The following NIPBL variants were observed in gnomAD, a reference collection of about 807,000 sequenced individuals.
NIPBL encodes the protein NIPBL cohesin loading factor, also known as nipped-B-like protein.
Under a neutral mutation model 321.8 loss-of-function variants are expected in NIPBL, and 19 were observed. The observed-to-expected ratio is 0.06, with a 90% CI of 0.04 to 0.09. The LOEUF (loss-of-function observed/expected upper bound fraction) is 0.09. Among genes scored for constraint, NIPBL ranks in the 10% least tolerant of loss-of-function variants. NIPBL has a pLI of 1.00. For missense variants in NIPBL, 2,210 were observed against 3,327.0 expected (o/e 0.66, Z 8.26); for synonymous variants, 1,106 against 1,114.1 (o/e 0.99, Z 0.14).
Position 37,051,890 on chromosome 5 carries a change from T to C in NIPBL, c.7062+4T>C. ...AAAATATGCTGGATTCATTCATGTA[T>C]GTATTTTAACATTTTATAACCTAAA... is the stretch of plus-strand genomic sequence containing the variant. On this transcript the variant is annotated splice_donor_region_variant and intron_variant, in intron 41 of 46. Coordinates refer to ENST00000282516, the MANE Select transcript of NIPBL (RefSeq NM_133433.4). The C allele has an allele frequency of 6.3e-7, 1 of 1,595,982 alleles. No homozygotes were observed. Among genetic ancestry groups the C allele is most frequent in the African/African-American group, 1.3e-5 (1 of 74,702 alleles).
At chr5:37,024,180 A>C (rs994638889) in intron 29 of NIPBL, among the ~76,000 whole-genome samples, 1 of 151,378 alleles carries the variant, frequency 6.6e-6, no homozygotes, top group African/African-American at 2.4e-5. Context: ...AAAAAAAAAG[A>C]AGTAACCATA....
intron 1 of NIPBL, among the ~76,000 whole-genome samples, chr5:36,924,372 TA>T (rs1283233649): frequency 7.9e-5 from 12 of 152,234 alleles, no homozygotes; most frequent in African/African-American, 2.7e-4. Context: ...CAGAATTTTT[TA>T]TTTTTTTATT....
chr5:37,024,756 GT>G, intron 30 of NIPBL, 37 bp downstream of exon 30: 1 of 1,532,314 alleles, frequency 6.5e-7, no homozygotes, highest in Non-Finnish European at 9.0e-7. Flanking sequence ...TTTCATTAAT[GT>G]TTAAAATAAG....
At chr5:36,998,680 T>C (rs922478683) in intron 11 of NIPBL, among the ~76,000 whole-genome samples, 5 of 152,008 alleles carry the variant, frequency 3.3e-5, no homozygotes, top group Non-Finnish European at 7.4e-5. Flanking sequence ...TCTGAAGAAG[T>C]TTGCTTATTA....
chr5:36,971,102 C>G, intron 7 of NIPBL, 66 bp downstream of exon 7: 1 of 1,382,674 alleles, frequency 7.2e-7, no homozygotes. Flanking sequence ...CCTAGTATTT[C>G]CATTTCAAAA....
intron 42 of NIPBL, among the ~76,000 whole-genome samples, chr5:37,053,638 A>T (rs1313247453): frequency 1.3e-5 from 2 of 152,312 alleles, no homozygotes; most frequent in East Asian, 3.9e-4. Flanking sequence ...ATGGAAAGCA[A>T]AACAGCAATT....
chr5:36,888,724 C>T (rs576415246), intron 1 of NIPBL, among the ~76,000 whole-genome samples: 1 of 151,976 alleles, frequency 6.6e-6, no homozygotes, highest in South Asian at 2.1e-4. Context: ...TATGATATTT[C>T]TTCCTTAAAA....
At chr5:37,055,428 G>A (rs938262996) in intron 42 of NIPBL, among the ~76,000 whole-genome samples, 8 of 151,856 alleles carry the variant, frequency 5.3e-5, no homozygotes, top group Admixed American at 4.6e-4. Flanking sequence ...ATGAGACTGT[G>A]TGAAAAGAAT....
At chr5:36,895,840 G>C (rs1746688535) in intron 1 of NIPBL, among the ~76,000 whole-genome samples, 1 of 152,052 alleles carries the variant, frequency 6.6e-6, no homozygotes, top group South Asian at 2.1e-4. Flanking sequence ...TAAGTTGTTA[G>C]ACATATTCTA....
intron 1 of NIPBL, among the ~76,000 whole-genome samples, chr5:36,945,775 T>G (rs191726590): frequency 1.8e-4 from 27 of 152,268 alleles, no homozygotes; most frequent in African/African-American, 6.0e-4. Context: ...AGGTAGGATT[T>G]GAGGAAGATC....
At chr5:36,916,123 G>A (rs1489889018) in intron 1 of NIPBL, among the ~76,000 whole-genome samples, 2 of 152,180 alleles carry the variant, frequency 1.3e-5, no homozygotes, top group Non-Finnish European at 2.9e-5. Context: ...GAAAGTTAGT[G>A]AAATTTGTTT....
intron 9 of NIPBL, chr5:36,982,119 G>A: frequency 2.1e-6 from 1 of 486,198 alleles, no homozygotes; most frequent in African/African-American, 2.1e-5. Flanking sequence ...GATGACAAGT[G>A]TTGGTTTTGA....
chr5:36,905,206 A>G lies in NIPBL; in HGVS notation c.-80+28028A>G, dbSNP rs182304102. On this transcript the variant is annotated intron_variant, in intron 1 of 46. Coordinates refer to ENST00000282516, the MANE Select transcript of NIPBL (RefSeq NM_133433.4). ...GTCAGCAGTTAGTTGGAAAGGGGTAATAAGCAATGAATTTGAATAATTTAC... is the reference window on the plus strand; with the variant it reads ...GTCAGCAGTTAGTTGGAAAGGGGTAGTAAGCAATGAATTTGAATAATTTAC... 1.9e-3 allele frequency among the ~76,000 whole-genome samples: 296 copies of G among 152,350 alleles called. 1 individual carries two copies. The highest frequency in any genetic ancestry group is 9.1e-3 in the Admixed American group (140 of 15,310).
At chr5:37,064,486 G>A (rs1428089165) in intron 46 of NIPBL, 41 bp from the exon 47 acceptor site, 2 of 1,605,224 alleles carry the variant, frequency 1.2e-6, no homozygotes, top group Non-Finnish European at 8.5e-7. Context: ...AAATTCTTTT[G>A]TGTAACACTT....
Position 36,986,027 on chromosome 5 carries a change from G to T in NIPBL, c.2847G>T (p.Arg949Ser), listed in dbSNP as rs772174282. 4.3e-6 allele frequency: 7 copies of T among 1,613,894 alleles called. No homozygotes were observed. In the East Asian group the frequency reaches 1.6e-4, roughly 36 times the overall value. ...TTCCAAGTTATTTGTTGGGGGGCAG[G>T]TCTGGTGCGTTGAAAAATTTTGTCA... Reference protein sequence around the residue: ...AEFPSYLLGGRSGALKNFVIP... With the variant: ...AEFPSYLLGGSSGALKNFVIP... Residue 949 changes from arginine to serine, a missense_variant, in exon 10 of 47, where the codon AGG (arginine) becomes AGT (serine). Around this residue, in one of 14 missense-constraint regions of NIPBL, gnomAD observed 588 missense variants for 564.1 expected, o/e 1.04. Transcript: ENST00000282516.
rs556269636 is a variant in NIPBL, at chr5:37,019,532, C to T, written c.5010+132C>T. The T allele has an allele frequency of 8.2e-5, 57 of 694,936 alleles. 1 individual carries two copies. In the South Asian group the frequency reaches 8.7e-4, roughly 11 times the overall value. The allele number at this position is 694,936 out of a possible 1,614,324, so 43.0% of individuals were successfully genotyped here. A position where few individuals can be genotyped will look rare whatever the true frequency, so the allele number is the denominator to read the frequency against. On this transcript the variant is annotated intron_variant, in intron 25 of 46. Transcript: ENST00000282516. ...TATTGATTTTCAAAACAAAGGGATA[C>T]TTGATAATCTAAACAGAAAAGAATG...
At chr5:36,914,890 C>T (rs1748339523) in intron 1 of NIPBL, among the ~76,000 whole-genome samples, 1 of 152,040 alleles carries the variant, frequency 6.6e-6, no homozygotes, top group African/African-American at 2.4e-5. Context: ...TGAGATTTTG[C>T]TTTGCCATTT....
chr5:36,984,800 G>A lies in NIPBL; in HGVS notation c.1620G>A (p.Met540Ile), dbSNP rs1488872316. 6.2e-7 allele frequency: 1 copy of A among 1,613,856 alleles called. No individual in the cohort carries two copies. Among genetic ancestry groups the A allele is most frequent in the Non-Finnish European group, 8.5e-7 (1 of 1,179,840 alleles). ...GAAATGGGTCAAGGCCAGCATTAATGGTTAGCATTGATCTTCATCAGGCAG... is the reference window on the plus strand; with the variant it reads ...GAAATGGGTCAAGGCCAGCATTAATAGTTAGCATTGATCTTCATCAGGCAG... Reference protein sequence around the residue: ...STGNGSRPALMVSIDLHQAGR... With the variant: ...STGNGSRPALIVSIDLHQAGR... The change falls in exon 10 of 47, where the codon ATG becomes ATA. Residue 540 changes from methionine (M) to isoleucine (I), a missense_variant. Coordinates refer to ENST00000282516, the MANE Select transcript of NIPBL (RefSeq NM_133433.4).
chr5:37,051,794 A>G lies in NIPBL; in HGVS notation c.6970A>G (p.Ile2324Val), dbSNP rs901559012. ...TTATTTCCAGTGTGTGCCATATTTA[A>G]TTGCTATGGGCACAGACCCAGAACC... ...IHPVQCVPYL[I>V]AMGTDPEPAM... The change falls in exon 41 of 47, where the codon ATT becomes GTT. Residue 2324 changes from isoleucine (I) to valine (V), a missense_variant. Physicochemically the swap from Ile to Val is conservative, Grantham distance 29. Around this residue, in one of 14 missense-constraint regions of NIPBL, gnomAD observed 112 missense variants for 288.3 expected, o/e 0.39. Transcript: ENST00000282516. 2 of 1,613,274 alleles carry G rather than the reference A, an allele frequency of 1.2e-6. No individual in the cohort carries two copies. Among genetic ancestry groups the G allele is most frequent in the African/African-American group, 2.7e-5 (2 of 74,850 alleles).
Sources: gnomAD v4.1 joint callset for allele counts (sites outside exome capture counted in the v4.1 genomes callset) on GRCh38, gnomAD v4.1.1 for gene constraint, gnomAD v4.1.1 regional missense constraint, MANE v1.5 for transcripts, NCBI Gene and HGNC (gene_info 2026-07-23, HGNC 2026-07-21) for gene names.